Variants in RAB2B observed in about 807,000 individuals in gnomAD.
RAB2B encodes the protein ras-related protein Rab-2B.
A neutral mutation model predicts 29.8 loss-of-function variants in RAB2B; 20 were observed. The ratio of observed to expected loss-of-function variants is 0.67; its 90% CI spans 0.47 to 0.97. RAB2B has a LOEUF of 0.97. Among genes scored for constraint, RAB2B ranks in the 50% least tolerant of loss-of-function variants. The pLI, the probability that RAB2B is intolerant of heterozygous loss-of-function variation, is 0.00. For missense variants in RAB2B, 218 were observed against 272.0 expected, an observed-to-expected ratio of 0.80 and a Z score of 1.40; for synonymous variants, 93 against 91.7, an observed-to-expected ratio of 1.01 and a Z score of -0.08.
intron 6 of RAB2B, 89 bp downstream of exon 6, chr14:21,463,567 A>G (rs1410094305): frequency 5.0e-6 from 5 of 1,005,016 alleles, no homozygotes; most frequent in South Asian, 1.4e-5. Flanking sequence ...TTCTTTACCA[A>G]TTTCTTATAG....
Position 21,474,976 on chromosome 14 carries a change from C to T in RAB2B, c.119-42G>A, listed in dbSNP as rs759362987. On this transcript the variant is annotated intron_variant, in intron 2 of 7. Coordinates refer to ENST00000397762, the MANE Select transcript of RAB2B (RefSeq NM_032846.4). ...AGAGAAAGAATGTGATTCTCACGAACAGCAGCCACGTGGAGTGGGAGGTTC... is the reference window on the plus strand; with the variant it reads ...AGAGAAAGAATGTGATTCTCACGAATAGCAGCCACGTGGAGTGGGAGGTTC... 3.8e-6 allele frequency: 6 copies of T among 1,564,544 alleles called. No individual in the cohort carries two copies. The African/African-American group carries it at 8.1e-5, about 21-fold the overall frequency.
intron 5 of RAB2B, among the ~76,000 whole-genome samples, chr14:21,465,009 C>A (rs1312202974): frequency 1.3e-5 from 2 of 149,488 alleles, no homozygotes; most frequent in African/African-American, 2.5e-5. Flanking sequence ...AAAAAAAAAA[C>A]AAAACCAAAA....
At chr14:21,471,919 G>A (rs990830058) in intron 3 of RAB2B, among the ~76,000 whole-genome samples, 12 of 151,688 alleles carry the variant, frequency 7.9e-5, no homozygotes, top group African/African-American at 2.2e-4. Flanking sequence ...CAGGTGATCC[G>A]CCTGCCTCAG....
In RAB2B at chr14:21,476,820, G is replaced by A. The variant is rs1275746275; in HGVS notation, c.46+7C>T. ...CGAGCCTTGAAGGCGAACCACCTGA[G>A]GGTTACCTGTGTCTCCGATGATGAT... On this transcript the variant is annotated splice_region_variant and intron_variant, in intron 1 of 7. Transcript: ENST00000397762. The A allele has an allele frequency of 1.2e-6, 2 of 1,613,198 alleles. No individual in the cohort carries two copies. The highest frequency in any genetic ancestry group is 1.1e-5 in the South Asian group (1 of 91,054).
At chr14:21,475,690 G>T (rs560512217) in intron 2 of RAB2B, among the ~76,000 whole-genome samples, 1 of 152,160 alleles carries the variant, frequency 6.6e-6, no homozygotes, top group East Asian at 1.9e-4. Flanking sequence ...AGCCCCTATC[G>T]CAAAGTGAGA....
At position 21,474,937 on chromosome 14, in the gene RAB2B, G is replaced by C. The variant is rs748902440; in HGVS notation, c.119-3C>G. 1.2e-6 allele frequency: 2 copies of C among 1,613,282 alleles called. No individual in the cohort carries two copies. The highest frequency in any genetic ancestry group is 1.7e-6 in the Non-Finnish European group (2 of 1,179,286). Reference sequence around the variant, plus strand: ...CATACGAGCTCCAAACTCCACACCTGTCGGTAAAGACCGAGAGAAAGAATG... The same window carrying C: ...CATACGAGCTCCAAACTCCACACCTCTCGGTAAAGACCGAGAGAAAGAATG... On this transcript the variant is annotated splice_polypyrimidine_tract_variant and splice_region_variant and intron_variant, in intron 2 of 7. Transcript: ENST00000397762.
chr14:21,460,094 TAGAGG>T lies in RAB2B; in HGVS notation c.*1097_*1101del, dbSNP rs1424676711. 1 of 513,888 alleles carries T rather than the reference TAGAGG, an allele frequency of 1.9e-6. No individual in the cohort carries two copies. Among genetic ancestry groups the T allele is most frequent in the Non-Finnish European group, 3.9e-6 (1 of 257,566 alleles). The allele number at this position is 513,888 out of a possible 1,614,324, so 31.8% of individuals were successfully genotyped here. The stretch of plus-strand genomic sequence containing the variant: ...GAAGTACTCAGTGCTCTTGGGCAAG[TAGAGG>T]AAACTGCCTTCTACAAGAATTCTTA... On this transcript the variant is annotated 3_prime_UTR_variant, in exon 8 of 8. Transcript: ENST00000397762.
intron 5 of RAB2B, among the ~76,000 whole-genome samples, chr14:21,464,728 G>A (rs1399872779): frequency 6.6e-6 from 1 of 152,198 alleles, no homozygotes; most frequent in Admixed American, 6.5e-5. Flanking sequence ...GCAGAGCTGG[G>A]CGTGGTGGCT....
At chr14:21,464,668 G>C (rs1024818737) in intron 5 of RAB2B, among the ~76,000 whole-genome samples, 2 of 152,094 alleles carry the variant, frequency 1.3e-5, no homozygotes, top group Non-Finnish European at 2.9e-5. Flanking sequence ...GACTGAAAAA[G>C]GGAATAAAAA....
intron 1 of RAB2B, 96 bp from the exon 2 acceptor site, chr14:21,476,695 GC>G: frequency 1.6e-6 from 2 of 1,232,770 alleles, no homozygotes; most frequent in Non-Finnish European, 2.2e-6. Context: ...CCCGAGCCCC[GC>G]CCCCGGCCGC....
intron 6 of RAB2B, 83 bp from the exon 7 acceptor site, chr14:21,462,501 T>TC: frequency 7.6e-7 from 1 of 1,321,892 alleles, no homozygotes; most frequent in Non-Finnish European, 1.1e-6. Flanking sequence ...TTATTCATAT[T>TC]TGAATTTCTA....
intron 3 of RAB2B, among the ~76,000 whole-genome samples, chr14:21,472,856 T>C (rs1302877329): frequency 1.5e-4 from 22 of 151,318 alleles, no homozygotes; most frequent in Admixed American, 1.4e-3. Flanking sequence ...CCATGACCAT[T>C]CCATTAAATG....
chr14:21,462,671 C>T (rs1890588035), intron 6 of RAB2B, among the ~76,000 whole-genome samples: 1 of 151,746 alleles, frequency 6.6e-6, no homozygotes, highest in Admixed American at 6.6e-5. Context: ...GAAATCCCGT[C>T]TCCACTAAAA....
At chr14:21,461,742 G>A (rs947129288) in intron 7 of RAB2B, among the ~76,000 whole-genome samples, 1 of 152,122 alleles carries the variant, frequency 6.6e-6, no homozygotes, top group African/African-American at 2.4e-5. Flanking sequence ...CTGCACCCCT[G>A]TGCTCATTTT....
intron 5 of RAB2B, among the ~76,000 whole-genome samples, chr14:21,467,096 A>G (rs568596563): frequency 1.7e-3 from 254 of 151,622 alleles, no homozygotes; most frequent in African/African-American, 6.0e-3. Flanking sequence ...TTCAGTACAG[A>G]CGGGGTTTCA....
In RAB2B at chr14:21,459,775, T is replaced by C. The variant is rs1201943294; in HGVS notation, c.*1421A>G. 5 of 165,454 alleles carry C rather than the reference T, an allele frequency of 3.0e-5. No homozygotes were observed. Among genetic ancestry groups the C allele is most frequent in the Admixed American group, 5.9e-5 (1 of 16,882 alleles). The allele number at this position is 165,454 out of a possible 1,614,324, so 10.2% of individuals were successfully genotyped here. A position where few individuals can be genotyped will look rare whatever the true frequency, so the allele number is the denominator to read the frequency against. The stretch of plus-strand genomic sequence containing the variant: ...ACTTTTAAGTATAATTAGTGGAGAG[T>C]AGGGCATGTGCAAAGGTATGGAACT... On this transcript the variant is annotated 3_prime_UTR_variant, in exon 8 of 8. Transcript: ENST00000397762.
At chr14:21,461,762 GTCTC>G (rs1279289185) in intron 7 of RAB2B, among the ~76,000 whole-genome samples, 2 of 152,110 alleles carry the variant, frequency 1.3e-5, no homozygotes, top group African/African-American at 4.8e-5. Context: ...TAGAGACGGA[GTCTC>G]TCTTTGTTGC....
In RAB2B at chr14:21,460,018, A is replaced by T. The variant is rs778705342; in HGVS notation, c.*1178T>A. ...GTCCCTGACCAACTTCACTGCTCTT[A>T]AAAGTTTTGAAGTTACACTAAGAGA... is the stretch of plus-strand genomic sequence containing the variant. On this transcript the variant is annotated 3_prime_UTR_variant, in exon 8 of 8. Transcript: ENST00000397762. 1 of 380,762 alleles carries T rather than the reference A, an allele frequency of 2.6e-6. No homozygotes were observed. Among genetic ancestry groups the T allele is most frequent in the African/African-American group, 2.1e-5 (1 of 47,526 alleles). The allele number at this position is 380,762 out of a possible 1,614,324, so 23.6% of individuals were successfully genotyped here.
Position 21,460,182 on chromosome 14 carries a change from G to A in RAB2B, c.*1014C>T, listed in dbSNP as rs1890507251. ...AGAAAAAAACTCAATGAAATTCCGAGGCAGAGGATCTATCAACCAAAGGCC... is the reference window on the plus strand; with the variant it reads ...AGAAAAAAACTCAATGAAATTCCGAAGCAGAGGATCTATCAACCAAAGGCC... On this transcript the variant is annotated 3_prime_UTR_variant, in exon 8 of 8. Coordinates refer to ENST00000397762, the MANE Select transcript of RAB2B (RefSeq NM_032846.4). 1.9e-6 allele frequency: 1 copy of A among 518,810 alleles called. No homozygotes were observed. The highest frequency in any genetic ancestry group is 1.4e-5 in the South Asian group (1 of 71,598). The allele number at this position is 518,810 out of a possible 1,614,324, so 32.1% of individuals were successfully genotyped here. A position where few individuals can be genotyped will look rare whatever the true frequency, so the allele number is the denominator to read the frequency against.
Sources: allele counts gnomAD v4.1 joint callset (sites outside exome capture counted in the v4.1 genomes callset), GRCh38; gene constraint gnomAD v4.1.1; transcripts MANE v1.5; gene names NCBI Gene and HGNC (gene_info 2026-07-23, HGNC 2026-07-21).